Variants in DCC observed in about 807,000 individuals in gnomAD.
DCC encodes the protein netrin receptor DCC.
A neutral mutation model predicts 172.5 loss-of-function variants in DCC; 58 were observed. The ratio of observed to expected loss-of-function variants is 0.34; its 90% CI spans 0.27 to 0.42. DCC has a LOEUF of 0.42. Among genes scored for constraint, DCC ranks in the 10% least tolerant of loss-of-function variants. The probability of loss-of-function intolerance (pLI) is 1.00; values close to 1 mark genes in which losing one functional copy is unlikely to be tolerated. For synonymous variants in DCC, 709 were observed against 644.5 expected (o/e 1.10, Z -1.52); for missense variants, 1,740 against 1,791.0 (o/e 0.97, Z 0.51).
At chr18:52,406,396 T>C (rs530009571) in intron 1 of DCC, among the ~76,000 whole-genome samples, 46 of 151,664 alleles carry the variant, frequency 3.0e-4, no homozygotes, top group African/African-American at 1.0e-3. Flanking sequence ...ACCTACAAAA[T>C]GGGAGAAAAT....
chr18:53,267,828 GTAGACATAAATACTTTTAGGTTTGTGAA>G, intron 12 of DCC, among the ~76,000 whole-genome samples: 1 of 152,230 alleles, frequency 6.6e-6, no homozygotes, highest in African/African-American at 2.4e-5. Context: ...GTCAAGTTGA[GTAGACATAAATACTTTTAGGTTTGTGAA>G]TAGCAGGTTT....
chr18:53,234,476 T>A (rs1463851739), intron 12 of DCC, among the ~76,000 whole-genome samples: 1 of 151,764 alleles, frequency 6.6e-6, no homozygotes, highest in Non-Finnish European at 1.5e-5. Context: ...GCCAGTCAGG[T>A]TTTTTTCTGC....
At chr18:53,451,131 A>G (rs1351617881) in intron 23 of DCC, among the ~76,000 whole-genome samples, 2 of 152,232 alleles carry the variant, frequency 1.3e-5, no homozygotes, top group Admixed American at 6.5e-5. Flanking sequence ...GACTCTGTAC[A>G]GTTACAATCC....
chr18:52,799,155 T>G (rs2037934910), intron 2 of DCC, among the ~76,000 whole-genome samples: 1 of 152,238 alleles, frequency 6.6e-6, no homozygotes, highest in South Asian at 2.1e-4. Flanking sequence ...AAAGATTTTC[T>G]TCTGAAATTA....
chr18:53,387,743 C>T (rs1159789665), intron 16 of DCC, among the ~76,000 whole-genome samples: 2 of 152,172 alleles, frequency 1.3e-5, no homozygotes, highest in Non-Finnish European at 2.9e-5. Context: ...CTCTGTCCTG[C>T]CTATGGTAAA....
At chr18:52,909,595 A>G (rs529322992) in intron 3 of DCC, among the ~76,000 whole-genome samples, 1 of 152,326 alleles carries the variant, frequency 6.6e-6, no homozygotes, top group East Asian at 1.9e-4. Context: ...CCTCTTTTAT[A>G]TATCAGGTGT....
chr18:53,450,451 TC>T (rs1446690755), intron 22 of DCC, 48 bp from the exon 23 acceptor site: 1 of 1,607,150 alleles, frequency 6.2e-7, no homozygotes, highest in South Asian at 1.1e-5. Flanking sequence ...TGGTAAAACT[TC>T]TGCCACATCT....
chr18:53,305,577 G>A lies in DCC; in HGVS notation c.1912-1G>A. 6.2e-7 allele frequency: 1 copy of A among 1,609,484 alleles called. No individual in the cohort carries two copies. ...TTTAATTTACACCTATTATTTTACA[G>A]AGTATCAAAGTTAGCTGGCTGCCTC... On this transcript the variant is annotated splice_acceptor_variant, in intron 12 of 28. Coordinates refer to ENST00000442544, the MANE Select transcript of DCC (RefSeq NM_005215.4). LOFTEE classifies it high-confidence loss of function.
At position 53,380,357 on chromosome 18, in the gene DCC, C is replaced by T. The variant is rs183700461; in HGVS notation, c.2360-5686C>T. Among the ~76,000 whole-genome samples the T allele has an allele frequency of 3.9e-5, 6 of 152,294 alleles. No individual in the cohort carries two copies. The East Asian group carries it at 5.8e-4, about 15-fold the overall frequency. Reference sequence around the variant, plus strand: ...CCAATTCACACTTAAAGCATCTTTCCTCTTCCATATACATTCAAACAAAAT... The same window carrying T: ...CCAATTCACACTTAAAGCATCTTTCTTCTTCCATATACATTCAAACAAAAT... On this transcript the variant is annotated intron_variant, in intron 15 of 28. Transcript: ENST00000442544.
At chr18:52,478,821 C>T (rs1410154884) in intron 1 of DCC, among the ~76,000 whole-genome samples, 1 of 152,132 alleles carries the variant, frequency 6.6e-6, no homozygotes, top group Non-Finnish European at 1.5e-5. Flanking sequence ...ATGAGAAATC[C>T]ACCCCCATGA....
At chr18:52,839,445 G>A (rs144489033) in intron 2 of DCC, among the ~76,000 whole-genome samples, 19 of 152,212 alleles carry the variant, frequency 1.2e-4, no homozygotes, top group South Asian at 4.1e-4. Flanking sequence ...CAGCAGTGAC[G>A]CGTCAAGTCA....
At chr18:53,165,942 G>A (rs2054912584) in intron 8 of DCC, among the ~76,000 whole-genome samples, 1 of 152,180 alleles carries the variant, frequency 6.6e-6, no homozygotes, top group Non-Finnish European at 1.5e-5. Flanking sequence ...CAGACTTGCA[G>A]TTTCAAAAGA....
intron 3 of DCC, among the ~76,000 whole-genome samples, chr18:52,919,598 A>G (rs778403749): frequency 6.6e-6 from 1 of 151,794 alleles, no homozygotes; most frequent in Admixed American, 6.6e-5. Flanking sequence ...AATCTGGACC[A>G]TATATGCTCT....
intron 7 of DCC, among the ~76,000 whole-genome samples, chr18:53,141,444 A>C (rs1253953875): frequency 6.6e-6 from 1 of 152,206 alleles, no homozygotes; most frequent in Non-Finnish European, 1.5e-5. Context: ...GAAGGCAAAA[A>C]AGTTGAAACT....
chr18:53,111,344 A>T (rs951847851), intron 7 of DCC, among the ~76,000 whole-genome samples: 1 of 151,164 alleles, frequency 6.6e-6, no homozygotes, highest in African/African-American at 2.4e-5. Flanking sequence ...GCACATGTAT[A>T]CATATGTAAC....
chr18:52,830,040 C>G (rs1285034863), intron 2 of DCC, among the ~76,000 whole-genome samples: 1 of 151,998 alleles, frequency 6.6e-6, no homozygotes, highest in African/African-American at 2.4e-5. Context: ...AAAGAGCCAG[C>G]AGGTACAAAG....
chr18:53,344,441 T>TC (rs1491550229), intron 15 of DCC, among the ~76,000 whole-genome samples: 1 of 25,432 alleles, frequency 3.9e-5, no homozygotes, highest in East Asian at 0.01. Context: ...TTCGTTTTTC[T>TC]TTTTTTTTTT....
At chr18:53,108,297 C>T (rs973801235) in intron 7 of DCC, among the ~76,000 whole-genome samples, 9 of 151,700 alleles carry the variant, frequency 5.9e-5, no homozygotes, top group African/African-American at 2.2e-4. Flanking sequence ...TAATTGCTTG[C>T]CTATGTTTCA....
intron 12 of DCC, among the ~76,000 whole-genome samples, chr18:53,275,967 A>G (rs2144717024): frequency 6.6e-6 from 1 of 152,264 alleles, no homozygotes; most frequent in South Asian, 2.1e-4. Flanking sequence ...CAAAAGTTAA[A>G]AATATGACTC....
Sources: gnomAD v4.1 joint callset for allele counts (sites outside exome capture counted in the v4.1 genomes callset) on GRCh38, gnomAD v4.1.1 for gene constraint, MANE v1.5 for transcripts, NCBI Gene and HGNC (gene_info 2026-07-23, HGNC 2026-07-21) for gene names.